TOX3: variants seen among roughly 807,000 people sequenced by gnomAD.
TOX3 encodes the protein CAG trinucleotide repeat-containing gene F9 protein.
Under a neutral mutation model 64.3 loss-of-function variants are expected in TOX3, and 22 were observed. The observed-to-expected ratio is 0.34, with a 90% confidence interval of 0.24 to 0.49. TOX3 has a LOEUF of 0.49. Among genes scored for constraint, TOX3 ranks in the 20% least tolerant of loss-of-function variants. The pLI is 0.99. For missense variants in TOX3, 661 were observed against 714.4 expected (o/e 0.93, Z 0.85); for synonymous variants, 291 against 273.6 (o/e 1.06, Z -0.63).
At chr16:52,504,945 C>T (rs1962121726) in intron 1 of TOX3, among the ~76,000 whole-genome samples, 1 of 152,154 alleles carries the variant, frequency 6.6e-6, no homozygotes, top group African/African-American at 2.4e-5. Context: ...AGCGATTCTC[C>T]TGCCTCAGCC....
chr16:52,531,016 T>A (rs1962842121), intron 1 of TOX3, among the ~76,000 whole-genome samples: 1 of 152,200 alleles, frequency 6.6e-6, no homozygotes. Context: ...AACTACAGTG[T>A]CTTCTAGGAA....
intron 1 of TOX3, among the ~76,000 whole-genome samples, chr16:52,534,471 C>T (rs1283259921): frequency 1.3e-5 from 2 of 152,010 alleles, no homozygotes; most frequent in African/African-American, 2.4e-5. Flanking sequence ...GACCCCATCT[C>T]TACAAAAATA....
rs756261947 is a variant in TOX3, at chr16:52,439,719, C to T, written c.1237G>A (p.Ala413Thr). Residue 413 changes from alanine to threonine, a missense_variant, in exon 7 of 7, where the codon GCT (alanine) becomes ACT (threonine). This residue lies in a region of TOX3 where 299 missense variants were observed against 292.1 expected (regional missense o/e 1.02). Transcript: ENST00000219746. ...IAANMPSNIG[A>T]PLISSMGTTM... ...GTTCCCATGGAGCTTATCAGTGGAG[C>T]CCCAATGTTCGAGGGCATGTTGGCT... The T allele has an allele frequency of 6.2e-7, 1 of 1,613,980 alleles. No individual in the cohort carries two copies. The highest frequency in any genetic ancestry group is 8.5e-7 in the Non-Finnish European group (1 of 1,179,896).
chr16:52,507,724 G>A (rs1030786596), intron 1 of TOX3, among the ~76,000 whole-genome samples: 1 of 152,156 alleles, frequency 6.6e-6, no homozygotes, highest in African/African-American at 2.4e-5. Flanking sequence ...AAGATACCAG[G>A]TAATCCAGAA....
chr16:52,508,555 C>G (rs1179275312), intron 1 of TOX3, among the ~76,000 whole-genome samples: 1 of 152,024 alleles, frequency 6.6e-6, no homozygotes, highest in Non-Finnish European at 1.5e-5. Context: ...AAATATATAA[C>G]ATCATTCCAC....
At chr16:52,446,722 A>G (rs561407749) in intron 4 of TOX3, among the ~76,000 whole-genome samples, 1 of 151,996 alleles carries the variant, frequency 6.6e-6, no homozygotes, top group Non-Finnish European at 1.5e-5. Context: ...CCAGAATGTT[A>G]CTTTGCTAAT....
At chr16:52,460,713 AAAT>A (rs1960662021) in intron 3 of TOX3, among the ~76,000 whole-genome samples, 2 of 128,678 alleles carry the variant, frequency 1.6e-5, no homozygotes, top group Non-Finnish European at 3.6e-5. Flanking sequence ...TACTTAAGCC[AAAT>A]AAGAAAAAAA....
At chr16:52,457,118 T>C (rs1050546042) in intron 3 of TOX3, among the ~76,000 whole-genome samples, 1 of 152,196 alleles carries the variant, frequency 6.6e-6, no homozygotes, top group Admixed American at 6.5e-5. Flanking sequence ...TTTAAATCCT[T>C]TTCACTCATT....
intron 1 of TOX3, among the ~76,000 whole-genome samples, chr16:52,501,267 A>G (rs112815707): frequency 1.8e-3 from 269 of 152,350 alleles, no homozygotes; most frequent in African/African-American, 5.3e-3. Context: ...CAATTGCAAC[A>G]TATGCAGGTT....
chr16:52,545,738 G>T (rs1265890498), intron 1 of TOX3, among the ~76,000 whole-genome samples: 1 of 152,156 alleles, frequency 6.6e-6, no homozygotes, highest in Non-Finnish European at 1.5e-5. Context: ...CAAATTCGGC[G>T]CTGGGGGCTT....
chr16:52,525,763 T>C (rs1962715695), intron 1 of TOX3, among the ~76,000 whole-genome samples: 1 of 152,176 alleles, frequency 6.6e-6, no homozygotes, highest in East Asian at 1.9e-4. Flanking sequence ...TTCCTTGTTA[T>C]GGGTAGCAGC....
chr16:52,497,769 C>T (rs564277419), intron 1 of TOX3, among the ~76,000 whole-genome samples: 1 of 152,104 alleles, frequency 6.6e-6, no homozygotes, highest in East Asian at 1.9e-4. Flanking sequence ...GATGTCCTTA[C>T]AGAGCCAGTT....
chr16:52,488,202 C>G (rs1274072081), intron 1 of TOX3, among the ~76,000 whole-genome samples: 3 of 152,172 alleles, frequency 2.0e-5, no homozygotes, highest in Non-Finnish European at 4.4e-5. Flanking sequence ...CACCTCCATT[C>G]CAAAACACCC....
rs367615670 is a variant in TOX3, at chr16:52,439,014, T to C, written c.*211A>G. 1.0e-4 allele frequency: 78 copies of C among 775,084 alleles called. No individual in the cohort carries two copies. The highest frequency in any genetic ancestry group is 9.7e-4 in the African/African-American group (57 of 58,688). The allele number at this position is 775,084 out of a possible 1,614,324, so 48.0% of individuals were successfully genotyped here. A position where few individuals can be genotyped will look rare whatever the true frequency, so the allele number is the denominator to read the frequency against. ...ACATAAAAGAGCACAGCTTTTCTTG[T>C]TTAAAAACAAAGTGATTTATAGTCA... On this transcript the variant is annotated 3_prime_UTR_variant, in exon 7 of 7. Transcript: ENST00000219746.
intron 3 of TOX3, among the ~76,000 whole-genome samples, chr16:52,454,618 A>C (rs924802578): frequency 2.0e-5 from 3 of 152,212 alleles, no homozygotes; most frequent in Non-Finnish European, 2.9e-5. Context: ...CAACAGCTCC[A>C]ATCATTTTCC....
chr16:52,533,926 C>T (rs1461131051), intron 1 of TOX3, among the ~76,000 whole-genome samples: 1 of 152,174 alleles, frequency 6.6e-6, no homozygotes, highest in Non-Finnish European at 1.5e-5. Flanking sequence ...AGAGTAGAAG[C>T]TGCCCTCTCT....
At chr16:52,526,245 G>T (rs768169715) in intron 1 of TOX3, among the ~76,000 whole-genome samples, 8 of 152,182 alleles carry the variant, frequency 5.3e-5, no homozygotes, top group Non-Finnish European at 8.8e-5. Context: ...AGGGAGAAAT[G>T]AGTTGCAGAA....
chr16:52,460,776 G>A (rs960231632), intron 3 of TOX3, among the ~76,000 whole-genome samples: 3 of 151,952 alleles, frequency 2.0e-5, no homozygotes, highest in East Asian at 1.9e-4. Flanking sequence ...GAGATAAATC[G>A]TTCATCTGCT....
chr16:52,454,090 G>A (rs1264644716), intron 3 of TOX3, among the ~76,000 whole-genome samples: 3 of 152,154 alleles, frequency 2.0e-5, no homozygotes, highest in Non-Finnish European at 4.4e-5. Context: ...CTGGGCCCTA[G>A]AGAGCCATGG....
Sources: gnomAD v4.1 joint callset for allele counts (sites outside exome capture counted in the v4.1 genomes callset) on GRCh38, gnomAD v4.1.1 for gene constraint, gnomAD v4.1.1 regional missense constraint, MANE v1.5 for transcripts, NCBI Gene and HGNC (gene_info 2026-07-23, HGNC 2026-07-21) for gene names.